Variants in CCDC171 observed in about 807,000 individuals in gnomAD.
CCDC171 encodes the protein coiled-coil domain-containing protein 171.
Under a neutral mutation model 168.2 loss-of-function variants are expected in CCDC171, and 177 were observed. The observed-to-expected ratio is 1.05, with a 90% CI of 0.93 to 1.19. The LOEUF is 1.19. Among genes scored for constraint, CCDC171 ranks in the 50% most tolerant of loss-of-function variants. The pLI is 0.00. For missense variants in CCDC171, 1,991 were observed against 1,539.0 expected (o/e 1.29, Z -4.91); for synonymous variants, 687 against 540.8 (o/e 1.27, Z -3.75).
intron 19 of CCDC171, among the ~76,000 whole-genome samples, chr9:15,778,313 CAAAAAAAAAAAAAAAAAAAAAAA>C (rs71325933): frequency 5.3e-5 from 2 of 38,060 alleles, no homozygotes; most frequent in Non-Finnish European, 8.8e-5. Flanking sequence ...GACTCCGTCT[CAAAAAAAAAAAAAAAAAAAAAAA>C]AAAAAAAAAA....
chr9:15,918,040 T>C (rs1246972554), intron 24 of CCDC171, among the ~76,000 whole-genome samples: 1 of 151,642 alleles, frequency 6.6e-6, no homozygotes, highest in Non-Finnish European at 1.5e-5. Context: ...AAATGCAACA[T>C]AGGTGAAGGG....
At chr9:15,576,437 A>G (rs2040671702) in intron 3 of CCDC171, among the ~76,000 whole-genome samples, 1 of 151,916 alleles carries the variant, frequency 6.6e-6, no homozygotes, top group African/African-American at 2.4e-5. Context: ...ACCCTCCCTC[A>G]TCAGCCTCTC....
exon 2 of CCDC171, chr9:16,061,038 T>C (rs1051082400): frequency 1.3e-5 from 2 of 152,174 alleles, no homozygotes; most frequent in African/African-American, 2.4e-5. Flanking sequence ...TTTGGGACGC[T>C]CTTATCACCA....
chr9:15,864,679 G>T (rs1369143797), intron 23 of CCDC171, among the ~76,000 whole-genome samples: 1 of 152,062 alleles, frequency 6.6e-6, no homozygotes, highest in Non-Finnish European at 1.5e-5. Flanking sequence ...TTCAGGATAG[G>T]ATAATGCCTA....
chr9:15,850,813 T>C (rs1434665782), intron 23 of CCDC171, among the ~76,000 whole-genome samples: 1 of 151,990 alleles, frequency 6.6e-6, no homozygotes, highest in East Asian at 1.9e-4. Context: ...TTTGCTGTCT[T>C]TGATGAAACA....
chr9:15,904,654 C>G (rs1468997038), intron 24 of CCDC171, among the ~76,000 whole-genome samples: 1 of 152,160 alleles, frequency 6.6e-6, no homozygotes, highest in Non-Finnish European at 1.5e-5. Context: ...ATGTCAGGAT[C>G]AAATTCACAC....
intron 6 of CCDC171, among the ~76,000 whole-genome samples, chr9:16,029,913 T>C (rs1426950591): frequency 6.6e-6 from 1 of 152,210 alleles, no homozygotes; most frequent in Non-Finnish European, 1.5e-5. Flanking sequence ...GAGTAGTTTA[T>C]AAACTGGAAT....
chr9:15,581,250 A>G (rs940957417), intron 4 of CCDC171, among the ~76,000 whole-genome samples: 5 of 152,236 alleles, frequency 3.3e-5, no homozygotes, highest in Admixed American at 3.3e-4. Context: ...TTCAAGGAGA[A>G]CTACAAACCA....
intron 6 of CCDC171, among the ~76,000 whole-genome samples, chr9:16,027,677 C>G (rs1175631419): frequency 1.3e-5 from 2 of 152,148 alleles, no homozygotes; most frequent in African/African-American, 4.8e-5. Flanking sequence ...CGGCACAAAA[C>G]ATTAATCAGG....
chr9:15,695,781 C>G (rs1269805920), intron 11 of CCDC171, among the ~76,000 whole-genome samples: 1 of 152,180 alleles, frequency 6.6e-6, no homozygotes, highest in Non-Finnish European at 1.5e-5. Context: ...AGCCGGTTTT[C>G]TAAGCTGGTT....
intron 18 of CCDC171, among the ~76,000 whole-genome samples, chr9:15,750,730 C>T (rs1354451315): frequency 2.6e-5 from 4 of 152,126 alleles, no homozygotes; most frequent in Admixed American, 6.5e-5. Flanking sequence ...ATTCAACAGC[C>T]CTTCATGCTA....
rs144336400 is a variant in CCDC171, at chr9:15,672,213, T to A, written c.1076+5890T>A. ...GATGGGGTTGTTTGTTTTTTTCTTGTAAATTTGTTTAAGTTCTTTGTAGAT... is the reference window on the plus strand; with the variant it reads ...GATGGGGTTGTTTGTTTTTTTCTTGAAAATTTGTTTAAGTTCTTTGTAGAT... On this transcript the variant is annotated intron_variant, in intron 9 of 25. Transcript: ENST00000380701. Among the ~76,000 whole-genome samples the A allele has an allele frequency of 6.8e-3, 1,036 of 152,356 alleles. 7 individuals carry two copies. The highest frequency in any genetic ancestry group is 0.024 in the African/African-American group (1,003 of 41,588).
intron 21 of CCDC171, among the ~76,000 whole-genome samples, chr9:15,806,121 CTGTGTCTTTGCA>C (rs1395460851): frequency 2.0e-5 from 3 of 151,976 alleles, no homozygotes; most frequent in African/African-American, 7.2e-5. Flanking sequence ...TTGAGCCTAC[CTGTGTCTTTGCA>C]TGTGAGATGA....
At chr9:15,968,815 A>G (rs964287758) in intron 25 of CCDC171, among the ~76,000 whole-genome samples, 1 of 152,158 alleles carries the variant, frequency 6.6e-6, no homozygotes, top group African/African-American at 2.4e-5. Context: ...CTGGGATTAC[A>G]AGTGTGAGCC....
intron 6 of CCDC171, among the ~76,000 whole-genome samples, chr9:16,034,009 A>G (rs762745539): frequency 2.0e-5 from 3 of 152,214 alleles, no homozygotes; most frequent in Non-Finnish European, 4.4e-5. Flanking sequence ...GCACAACAGA[A>G]TTTGTTCACC....
rs549408315 is a variant in CCDC171, at chr9:15,993,795, T to C, written n.369-26794T>C. Among the ~76,000 whole-genome samples the C allele has an allele frequency of 1.1e-4, 17 of 152,290 alleles. No homozygotes were observed. The East Asian group carries it at 2.5e-3, about 22-fold the overall frequency. On this transcript the variant is annotated intron_variant and non_coding_transcript_variant, in intron 3 of 9. Transcript: ENST00000486641. ...AGTGGCAAAGGATATGAACAGACACTTCTCAAAAGAAGACATTCATGCAGC... is the reference window on the plus strand; with the variant it reads ...AGTGGCAAAGGATATGAACAGACACCTCTCAAAAGAAGACATTCATGCAGC...
At chr9:15,572,423 T>C (rs895042507) in intron 3 of CCDC171, among the ~76,000 whole-genome samples, 1 of 152,186 alleles carries the variant, frequency 6.6e-6, no homozygotes. Flanking sequence ...ATTCCTGGCC[T>C]TTCCATTTAC....
At chr9:15,606,058 G>A (rs949855686) in intron 6 of CCDC171, among the ~76,000 whole-genome samples, 3 of 152,088 alleles carry the variant, frequency 2.0e-5, no homozygotes, top group African/African-American at 7.2e-5. Context: ...CGCAGTAAGA[G>A]ATTAACGATG....
intron 6 of CCDC171, among the ~76,000 whole-genome samples, chr9:15,604,594 G>T (rs1289208792): frequency 6.6e-6 from 1 of 152,126 alleles, no homozygotes; most frequent in East Asian, 1.9e-4. Flanking sequence ...GTTTGTGACG[G>T]TATGGGAAGT....
Sources: allele counts gnomAD v4.1 joint callset (sites outside exome capture counted in the v4.1 genomes callset), GRCh38; gene constraint gnomAD v4.1.1; transcripts MANE v1.5; gene names NCBI Gene and HGNC (gene_info 2026-07-23, HGNC 2026-07-21).